Variants in NAV2 observed in about 807,000 individuals in gnomAD.
NAV2 encodes the protein helicase, APC down-regulated 1.
NAV2 carries 54 observed loss-of-function variants against 223.2 expected under a neutral mutation model. That is an observed-to-expected ratio of 0.24 (90% CI 0.19 to 0.30). The LOEUF (loss-of-function observed/expected upper bound fraction) is 0.30. Ranked by LOEUF, NAV2 falls within the 10% of genes least tolerant of loss-of-function variation. NAV2 has a pLI of 1.00. For synonymous variants in NAV2, 1,279 were observed against 1,239.3 expected (o/e 1.03, Z -0.67); for missense variants, 2,806 against 3,147.5 (o/e 0.89, Z 2.60).
At chr11:19,660,561 G>C (rs1188544260) in intron 1 of NAV2, among the ~76,000 whole-genome samples, 1 of 152,108 alleles carries the variant, frequency 6.6e-6, no homozygotes, top group Non-Finnish European at 1.5e-5. Flanking sequence ...AAGAGCATCA[G>C]ATCCCAACAA....
intron 4 of NAV2, among the ~76,000 whole-genome samples, chr11:19,874,305 C>T (rs1316005180): frequency 6.6e-6 from 1 of 152,152 alleles, no homozygotes; most frequent in Admixed American, 6.5e-5. Context: ...GAATATGGCC[C>T]ATGCAATTTG....
chr11:20,091,741 C>T (rs2060866559), intron 27 of NAV2, among the ~76,000 whole-genome samples: 1 of 151,966 alleles, frequency 6.6e-6, no homozygotes, highest in African/African-American at 2.4e-5. Context: ...AAAGGAGGTT[C>T]CCTGAAACAC....
chr11:20,050,870 TA>T (rs1315612072), intron 16 of NAV2, among the ~76,000 whole-genome samples: 1 of 152,192 alleles, frequency 6.6e-6, no homozygotes, highest in African/African-American at 2.4e-5. Flanking sequence ...CAGTGGCATT[TA>T]GGGGGTGGGC....
chr11:19,878,588 C>G (rs1296721053), intron 4 of NAV2, among the ~76,000 whole-genome samples: 1 of 152,116 alleles, frequency 6.6e-6, no homozygotes, highest in Non-Finnish European at 1.5e-5. Context: ...TCTGCTAGCT[C>G]CCAAAGTAGG....
intron 1 of NAV2, among the ~76,000 whole-genome samples, chr11:19,476,954 C>T (rs1281923881): frequency 2.0e-5 from 3 of 152,142 alleles, no homozygotes; most frequent in Non-Finnish European, 4.4e-5. Context: ...TCTCCCTCTC[C>T]TCTTCATGGC....
chr11:19,895,529 G>C (rs557111678), intron 6 of NAV2, among the ~76,000 whole-genome samples: 51 of 152,262 alleles, frequency 3.3e-4, no homozygotes, highest in African/African-American at 1.2e-3. Context: ...GGTTCCACTC[G>C]GGGATTCAAA....
chr11:19,622,702 T>A (rs1647012027), intron 1 of NAV2, among the ~76,000 whole-genome samples: 1 of 152,196 alleles, frequency 6.6e-6, no homozygotes. Flanking sequence ...CACTGATGGG[T>A]CTTGACTCTT....
intron 33 of NAV2, 94 bp from the exon 34 acceptor site, chr11:20,103,559 G>C: frequency 3.3e-6 from 5 of 1,513,804 alleles, no homozygotes; most frequent in South Asian, 1.1e-5. Flanking sequence ...GCTGTCCACT[G>C]GCCTGGAAGC....
chr11:19,692,770 T>C (rs2049216241), intron 1 of NAV2, among the ~76,000 whole-genome samples: 6 of 151,880 alleles, frequency 4.0e-5, no homozygotes, highest in Admixed American at 3.9e-4. Context: ...ACTCAGGGGA[T>C]GCAGCAGAAA....
At chr11:20,001,724 AC>A (rs1446275716) in intron 11 of NAV2, among the ~76,000 whole-genome samples, 4 of 136,120 alleles carry the variant, frequency 2.9e-5, no homozygotes. Context: ...GGGAGGGGGG[AC>A]GGAAAGCATT....
intron 11 of NAV2, among the ~76,000 whole-genome samples, chr11:19,987,208 G>A (rs898607267): frequency 2.2e-4 from 34 of 152,262 alleles, no homozygotes; most frequent in African/African-American, 8.2e-4. Flanking sequence ...GCAAGTGGCT[G>A]CAATTTCGAT....
At chr11:20,005,393 C>T (rs2052970360) in intron 11 of NAV2, among the ~76,000 whole-genome samples, 1 of 151,566 alleles carries the variant, frequency 6.6e-6, no homozygotes, top group East Asian at 1.9e-4. Flanking sequence ...CTACAGGCGT[C>T]TGCCACCAAG....
intron 1 of NAV2, among the ~76,000 whole-genome samples, chr11:19,768,718 C>T (rs940644368): frequency 2.0e-5 from 3 of 152,136 alleles, no homozygotes; most frequent in Non-Finnish European, 4.4e-5. Flanking sequence ...GACAGGCCTG[C>T]GTTGCAATTC....
intron 11 of NAV2, among the ~76,000 whole-genome samples, chr11:19,985,391 C>G (rs1019753225): frequency 1.3e-5 from 2 of 152,132 alleles, no homozygotes; most frequent in African/African-American, 4.8e-5. Context: ...ATGTGTCCTC[C>G]TTAGAGTCCC....
chr11:19,829,420 T>A (rs1288308053), intron 1 of NAV2, among the ~76,000 whole-genome samples: 2 of 152,214 alleles, frequency 1.3e-5, no homozygotes, highest in Non-Finnish European at 1.5e-5. Flanking sequence ...AAGAAATCCT[T>A]GAGTCATTTG....
At chr11:19,352,992 A>C (rs1853410771) in intron 1 of NAV2, among the ~76,000 whole-genome samples, 1 of 152,122 alleles carries the variant, frequency 6.6e-6, no homozygotes, top group Non-Finnish European at 1.5e-5. Context: ...GCAGCCTGGA[A>C]TGTCTTGTCC....
intron 6 of NAV2, among the ~76,000 whole-genome samples, chr11:19,931,381 G>A (rs972376689): frequency 6.6e-6 from 1 of 152,156 alleles, no homozygotes. Context: ...AACATTGGGA[G>A]GTCTGCTTTG....
At chr11:19,414,282 C>T (rs7948707) in intron 1 of NAV2, among the ~76,000 whole-genome samples, 106,026 of 151,786 alleles carry the variant, frequency 0.7, 37,064 homozygotes, top group Admixed American at 0.72. Context: ...ACAAACAAAA[C>T]GGGTTGCAAT....
At chr11:19,390,320 G>A (rs1157192733) in intron 1 of NAV2, among the ~76,000 whole-genome samples, 2 of 152,146 alleles carry the variant, frequency 1.3e-5, no homozygotes, top group East Asian at 1.9e-4. Context: ...TTCAAGCAGA[G>A]ATCACCATAT....
Sources: allele counts gnomAD v4.1 joint callset (sites outside exome capture counted in the v4.1 genomes callset), GRCh38; gene constraint gnomAD v4.1.1; transcripts MANE v1.5; gene names NCBI Gene and HGNC (gene_info 2026-07-23, HGNC 2026-07-21).